ARHGAP12: variants seen among roughly 807,000 people sequenced by gnomAD.
The protein encoded by ARHGAP12 is rho GTPase-activating protein 12.
In ARHGAP12, 64 loss-of-function variants were observed where a neutral mutation model predicts 108.6. The ratio of observed to expected loss-of-function variants is 0.59; its 90% CI spans 0.48 to 0.73. The LOEUF is 0.73. Ranked by LOEUF, ARHGAP12 falls within the 30% of genes least tolerant of loss-of-function variation. The pLI, the probability that ARHGAP12 is intolerant of heterozygous loss-of-function variation, is 0.00. For missense variants in ARHGAP12, 940 were observed against 1,005.9 expected (o/e 0.93, Z 0.89); for synonymous variants, 312 against 337.2 (o/e 0.93, Z 0.82).
At chr10:31,814,461 A>T in intron 13 of ARHGAP12, 100 bp from the exon 14 acceptor site, 1 of 992,680 alleles carries the variant, frequency 1.0e-6, no homozygotes, top group Non-Finnish European at 1.6e-6. Context: ...GACTCTTCCA[A>T]ACAATTTTAG....
At chr10:31,922,096 G>T (rs1425234862) in intron 1 of ARHGAP12, among the ~76,000 whole-genome samples, 4 of 147,006 alleles carry the variant, frequency 2.7e-5, no homozygotes, top group African/African-American at 7.5e-5. Flanking sequence ...GGAGGCTGAG[G>T]CTTGTGTCCA....
intron 1 of ARHGAP12, among the ~76,000 whole-genome samples, chr10:31,918,315 TCACACACACACACACACACACA>T (rs58245483): frequency 3.6e-5 from 5 of 139,968 alleles, no homozygotes; most frequent in Non-Finnish European, 7.7e-5. Context: ...ATTAGGGAAA[TCACACACACACACACACACACA>T]CACACACACA....
chr10:31,921,016 C>T (rs934358076), intron 1 of ARHGAP12, among the ~76,000 whole-genome samples: 5 of 152,170 alleles, frequency 3.3e-5, no homozygotes, highest in African/African-American at 9.7e-5. Context: ...GTGGCTCACG[C>T]GTGTAATCCC....
chr10:31,878,665 T>G (rs1837824760), intron 3 of ARHGAP12, among the ~76,000 whole-genome samples: 1 of 152,354 alleles, frequency 6.6e-6, no homozygotes, highest in Admixed American at 6.5e-5. Flanking sequence ...AAATAAAGTT[T>G]TGTTGAAACA....
At chr10:31,849,034 G>C (rs889954973) in intron 6 of ARHGAP12, among the ~76,000 whole-genome samples, 1 of 151,898 alleles carries the variant, frequency 6.6e-6, no homozygotes. Context: ...CTCCAGCCTG[G>C]GCGACAGAGC....
chr10:31,854,331 T>C, intron 4 of ARHGAP12, 125 bp from the exon 5 acceptor site: 12 of 864,410 alleles, frequency 1.4e-5, no homozygotes, highest in Non-Finnish European at 1.7e-5. Context: ...TCTGAATATT[T>C]GATTTTGAAA....
At chr10:31,834,290 T>C (rs934455103) in intron 9 of ARHGAP12, among the ~76,000 whole-genome samples, 1 of 152,240 alleles carries the variant, frequency 6.6e-6, no homozygotes, top group African/African-American at 2.4e-5. Context: ...TAATCTCAAA[T>C]GTAATGATAC....
intron 3 of ARHGAP12, among the ~76,000 whole-genome samples, chr10:31,900,250 T>C (rs1179704024): frequency 1.3e-5 from 2 of 152,210 alleles, no homozygotes; most frequent in African/African-American, 4.8e-5. Flanking sequence ...TCTCATCCAT[T>C]GCTGATGGGA....
chr10:31,877,935 T>C (rs937974782), intron 3 of ARHGAP12, among the ~76,000 whole-genome samples: 6 of 152,030 alleles, frequency 3.9e-5, no homozygotes, highest in African/African-American at 1.2e-4. Flanking sequence ...CTACAAAAAA[T>C]TAACTGGGTG....
intron 6 of ARHGAP12, 42 bp from the exon 7 acceptor site, chr10:31,843,628 A>T: frequency 3.9e-6 from 6 of 1,528,268 alleles, no homozygotes; most frequent in Non-Finnish European, 5.2e-6. Flanking sequence ...ACAGTTCATA[A>T]ACAATAGAAA....
At chr10:31,835,618 A>G (rs140670306) in intron 9 of ARHGAP12, among the ~76,000 whole-genome samples, 385 of 152,376 alleles carry the variant, frequency 2.5e-3, no homozygotes, top group Middle Eastern at 3.4e-3. Flanking sequence ...TAAAGTAGGT[A>G]CTTCTCAATT....
intron 4 of ARHGAP12, among the ~76,000 whole-genome samples, chr10:31,856,493 A>C (rs889694735): frequency 1.3e-5 from 2 of 152,184 alleles, no homozygotes; most frequent in Non-Finnish European, 2.9e-5. Flanking sequence ...CACACTAGGA[A>C]CATCATAGAA....
At chr10:31,863,419 G>A (rs1837208162) in intron 3 of ARHGAP12, among the ~76,000 whole-genome samples, 1 of 151,944 alleles carries the variant, frequency 6.6e-6, no homozygotes, top group Non-Finnish European at 1.5e-5. Flanking sequence ...TAGAACTTGG[G>A]GAAATAAAGA....
At chr10:31,921,734 A>G (rs1839818287) in intron 1 of ARHGAP12, among the ~76,000 whole-genome samples, 1 of 133,070 alleles carries the variant, frequency 7.5e-6, no homozygotes, top group Non-Finnish European at 1.5e-5. Context: ...ACTGCATTCC[A>G]GCCTGGGTGA....
intron 3 of ARHGAP12, among the ~76,000 whole-genome samples, chr10:31,887,947 G>A (rs1013846504): frequency 3.9e-5 from 6 of 151,996 alleles, no homozygotes; most frequent in African/African-American, 1.5e-4. Context: ...GTGAGTCACC[G>A]CGCCCGGCCT....
At chr10:31,827,305 ATT>A (rs1219147832) in intron 10 of ARHGAP12, among the ~76,000 whole-genome samples, 1 of 152,146 alleles carries the variant, frequency 6.6e-6, no homozygotes, top group Non-Finnish European at 1.5e-5. Context: ...TTTTATTTTT[ATT>A]TTTTATCTGC....
At chr10:31,872,251 G>A (rs746713571) in intron 3 of ARHGAP12, among the ~76,000 whole-genome samples, 13 of 151,952 alleles carry the variant, frequency 8.6e-5, no homozygotes, top group Non-Finnish European at 1.6e-4. Flanking sequence ...CTGGGAAATC[G>A]ATTACCTAAA....
At chr10:31,820,258 C>T in intron 12 of ARHGAP12, 129 bp downstream of exon 12, 1 of 603,842 alleles carries the variant, frequency 1.7e-6, no homozygotes, top group Non-Finnish European at 2.6e-6. Flanking sequence ...ATTACAATAC[C>T]ATCTAACTTA....
chr10:31,907,941 A>G (rs973661429), intron 3 of ARHGAP12, among the ~76,000 whole-genome samples: 2 of 152,238 alleles, frequency 1.3e-5, no homozygotes, highest in African/African-American at 4.8e-5. Flanking sequence ...CACTTAAAGT[A>G]GATCTAGTCC....
Sources: allele counts gnomAD v4.1 joint callset (sites outside exome capture counted in the v4.1 genomes callset), GRCh38; gene constraint gnomAD v4.1.1; transcripts MANE v1.5; gene names NCBI Gene and HGNC (gene_info 2026-07-23, HGNC 2026-07-21).